VAT1L: variants seen among roughly 807,000 people sequenced by gnomAD.
VAT1L encodes vesicle amine transport 1 like.
In VAT1L, 34 loss-of-function variants were observed where a neutral mutation model predicts 44.1. The ratio of observed to expected loss-of-function variants is 0.77; its 90% CI spans 0.59 to 1.03. The LOEUF (loss-of-function observed/expected upper bound fraction) is 1.03, where lower values mean the gene tolerates loss of function less well. VAT1L is among the 50% of genes least tolerant of loss of function. The pLI is 0.00. For synonymous variants in VAT1L, 253 were observed against 202.2 expected, an observed-to-expected ratio of 1.25 and a Z score of -2.13; for missense variants, 615 against 538.8, an observed-to-expected ratio of 1.14 and a Z score of -1.40.
intron 7 of VAT1L, among the ~76,000 whole-genome samples, chr16:77,950,284 C>T (rs1280317888): frequency 6.6e-6 from 1 of 152,054 alleles, no homozygotes; most frequent in African/African-American, 2.4e-5. Context: ...TGGTGGGTGC[C>T]TGTAATCCCA....
At chr16:77,796,754 C>T (rs1313096560) in intron 1 of VAT1L, among the ~76,000 whole-genome samples, 1 of 152,196 alleles carries the variant, frequency 6.6e-6, no homozygotes, top group Non-Finnish European at 1.5e-5. Flanking sequence ...AGCGTTCTCA[C>T]ACTAAACTAC....
chr16:77,849,477 A>G (rs254775), intron 3 of VAT1L, among the ~76,000 whole-genome samples: 109,016 of 152,102 alleles, frequency 0.72, 39,128 homozygotes, highest in East Asian at 0.81. Context: ...CAGTGGTCCT[A>G]GTGATACCAG....
At chr16:77,841,334 T>C (rs1418560503) in intron 3 of VAT1L, among the ~76,000 whole-genome samples, 1 of 152,226 alleles carries the variant, frequency 6.6e-6, no homozygotes, top group Non-Finnish European at 1.5e-5. Context: ...CCTCCTGCCT[T>C]GGTCTCCCAA....
At chr16:77,924,171 G>T (rs2017642012) in intron 7 of VAT1L, among the ~76,000 whole-genome samples, 1 of 152,188 alleles carries the variant, frequency 6.6e-6, no homozygotes, top group East Asian at 1.9e-4. Flanking sequence ...ACACCCCCGA[G>T]TCAATGTTGT....
chr16:77,791,733 A>G (rs1217501266), intron 1 of VAT1L, among the ~76,000 whole-genome samples: 1 of 152,142 alleles, frequency 6.6e-6, no homozygotes, highest in Non-Finnish European at 1.5e-5. Context: ...TGTCTGGCTT[A>G]AGAGAATATT....
At chr16:77,821,456 A>T (rs1306526160) in intron 2 of VAT1L, among the ~76,000 whole-genome samples, 1 of 152,056 alleles carries the variant, frequency 6.6e-6, no homozygotes, top group Non-Finnish European at 1.5e-5. Context: ...ACACCTGGCT[A>T]ATTTTTCTGT....
intron 7 of VAT1L, among the ~76,000 whole-genome samples, chr16:77,961,527 G>A (rs2018160213): frequency 6.6e-6 from 1 of 152,056 alleles, no homozygotes; most frequent in South Asian, 2.1e-4. Context: ...TCTTCTTATC[G>A]AGGACTGGAT....
intron 8 of VAT1L, among the ~76,000 whole-genome samples, chr16:77,974,492 C>A (rs2018314347): frequency 6.6e-6 from 1 of 152,214 alleles, no homozygotes; most frequent in Non-Finnish European, 1.5e-5. Context: ...GCTGAAAAAT[C>A]CACCTTTCAG....
intron 1 of VAT1L, among the ~76,000 whole-genome samples, chr16:77,807,764 A>G (rs201260800): frequency 6.6e-6 from 1 of 152,108 alleles, no homozygotes; most frequent in African/African-American, 2.4e-5. Context: ...TGCAATCCAC[A>G]CAACACCCCG....
chr16:77,822,956 T>C (rs1401771202), intron 2 of VAT1L, among the ~76,000 whole-genome samples: 3 of 152,130 alleles, frequency 2.0e-5, no homozygotes, highest in African/African-American at 7.2e-5. Context: ...TAGAACATTG[T>C]TGATGCTGTC....
chr16:77,946,279 C>CTTTTTGTTTTTTTTTTTT (rs2017963665), intron 7 of VAT1L, among the ~76,000 whole-genome samples: 1 of 70,428 alleles, frequency 1.4e-5, no homozygotes, highest in Non-Finnish European at 2.5e-5. Context: ...GTTACTTGTT[C>CTTTTTGTTTTTTTTTTTT]TTTTTTTTTT....
At chr16:77,859,827 A>T (rs936217683) in intron 3 of VAT1L, among the ~76,000 whole-genome samples, 6 of 152,162 alleles carry the variant, frequency 3.9e-5, no homozygotes, top group Non-Finnish European at 8.8e-5. Context: ...CCATCCACTG[A>T]AGCAGGAAAC....
intron 1 of VAT1L, among the ~76,000 whole-genome samples, chr16:77,806,622 C>T (rs2016165187): frequency 6.6e-6 from 1 of 152,242 alleles, no homozygotes; most frequent in Admixed American, 6.5e-5. Context: ...GGATTACAGG[C>T]GTGAGCCACC....
At chr16:77,791,090 C>G (rs1198264740) in intron 1 of VAT1L, among the ~76,000 whole-genome samples, 3 of 152,172 alleles carry the variant, frequency 2.0e-5, no homozygotes, top group Non-Finnish European at 4.4e-5. Context: ...AATGGTTTTA[C>G]AAGGAAGGAT....
At chr16:77,966,686 ATTG>A (rs1175071778) in intron 7 of VAT1L, among the ~76,000 whole-genome samples, 7 of 152,196 alleles carry the variant, frequency 4.6e-5, no homozygotes, top group Non-Finnish European at 8.8e-5. Flanking sequence ...AATTTTAATA[ATTG>A]TTATTTCAAC....
intron 2 of VAT1L, among the ~76,000 whole-genome samples, chr16:77,823,473 G>T (rs190305012): frequency 1.9e-4 from 29 of 152,136 alleles, no homozygotes; most frequent in Non-Finnish European, 2.1e-4. Flanking sequence ...ATCAAAAAGG[G>T]GCTTCATATG....
intron 7 of VAT1L, among the ~76,000 whole-genome samples, chr16:77,961,959 C>T (rs1167527604): frequency 6.6e-6 from 1 of 152,178 alleles, no homozygotes; most frequent in African/African-American, 2.4e-5. Context: ...TGACAAATCC[C>T]TCACTGGGAA....
intron 3 of VAT1L, among the ~76,000 whole-genome samples, chr16:77,840,413 T>C (rs2016692355): frequency 1.3e-5 from 2 of 152,144 alleles, no homozygotes; most frequent in African/African-American, 2.4e-5. Context: ...AGGGCTGACC[T>C]CTCTCTGTAG....
At chr16:77,840,048 G>A (rs2016688979) in intron 3 of VAT1L, among the ~76,000 whole-genome samples, 1 of 152,002 alleles carries the variant, frequency 6.6e-6, no homozygotes, top group African/African-American at 2.4e-5. Flanking sequence ...TTCCTCATGT[G>A]TAAAATTGGC....
Sources: gnomAD v4.1 joint callset for allele counts (sites outside exome capture counted in the v4.1 genomes callset) on GRCh38, gnomAD v4.1.1 for gene constraint, MANE v1.5 for transcripts, NCBI Gene and HGNC (gene_info 2026-07-23, HGNC 2026-07-21) for gene names.